RABGAP1L: variants seen among roughly 807,000 people sequenced by gnomAD.
RABGAP1L encodes rab GTPase-activating protein 1-like.
In RABGAP1L, 63 loss-of-function variants were observed where a neutral mutation model predicts 137.7. The observed-to-expected ratio is 0.46, with a 90% confidence interval of 0.37 to 0.56. RABGAP1L has a LOEUF of 0.56. Among genes scored for constraint, RABGAP1L ranks in the 20% least tolerant of loss-of-function variants. The pLI, the probability that RABGAP1L is intolerant of heterozygous loss-of-function variation, is 0.00. For synonymous variants in RABGAP1L, 431 were observed against 433.7 expected (o/e 0.99, Z 0.08); for missense variants, 1,095 against 1,244.0 (o/e 0.88, Z 1.80).
intron 19 of RABGAP1L, among the ~76,000 whole-genome samples, chr1:174,889,056 A>G (rs1017101547): frequency 4.6e-5 from 7 of 152,052 alleles, no homozygotes; most frequent in African/African-American, 1.7e-4. Flanking sequence ...GTTAGAGTCT[A>G]GCTGAGTACT....
At chr1:174,980,040 A>G (rs1057344950) in intron 23 of RABGAP1L, among the ~76,000 whole-genome samples, 7 of 152,350 alleles carry the variant, frequency 4.6e-5, no homozygotes, top group Non-Finnish European at 8.8e-5. Flanking sequence ...AGAATAGTGC[A>G]GAGAAGCACA....
Position 174,680,476 on chromosome 1 carries a change from A to G in RABGAP1L, c.1825-3046A>G, listed in dbSNP as rs183175227. 2.0e-5 allele frequency among the ~76,000 whole-genome samples: 3 copies of G among 152,316 alleles called. No homozygotes were observed. The East Asian group carries it at 5.8e-4, about 29-fold the overall frequency. ...TTTTGTAGCCTCCAAAACTGTGAGAACTAAACTTCTTTTGTTTATAAGCTA... is the reference window on the plus strand; with the variant it reads ...TTTTGTAGCCTCCAAAACTGTGAGAGCTAAACTTCTTTTGTTTATAAGCTA... On this transcript the variant is annotated intron_variant, in intron 14 of 25. Coordinates refer to ENST00000681986, the MANE Select transcript of RABGAP1L (RefSeq NM_001366446.1).
chr1:174,492,778 T>C (rs1204410087), intron 13 of RABGAP1L, among the ~76,000 whole-genome samples: 1 of 152,150 alleles, frequency 6.6e-6, no homozygotes, highest in Non-Finnish European at 1.5e-5. Flanking sequence ...TCCTTCCCTT[T>C]GAATAAGTCC....
intron 17 of RABGAP1L, among the ~76,000 whole-genome samples, chr1:174,730,230 C>T (rs1572954855): frequency 1.3e-5 from 2 of 152,234 alleles, no homozygotes; most frequent in South Asian, 4.1e-4. Context: ...CATATTTGCA[C>T]TTGTAAGTGG....
intron 13 of RABGAP1L, among the ~76,000 whole-genome samples, chr1:174,539,486 C>T (rs1665180397): frequency 6.6e-6 from 1 of 152,090 alleles, no homozygotes; most frequent in African/African-American, 2.4e-5. Flanking sequence ...TGTTCCCCAC[C>T]CTGTGCCCAA....
chr1:174,179,148 G>A (rs147785177), intron 1 of RABGAP1L, among the ~76,000 whole-genome samples: 67 of 152,132 alleles, frequency 4.4e-4, no homozygotes, highest in African/African-American at 1.5e-3. Flanking sequence ...GGGCTCAAGC[G>A]ATCCTCTTGC....
intron 17 of RABGAP1L, among the ~76,000 whole-genome samples, chr1:174,729,878 A>C (rs1682316397): frequency 6.6e-6 from 1 of 152,222 alleles, no homozygotes; most frequent in South Asian, 2.1e-4. Context: ...GTGGGAATGT[A>C]AATTCAGTTC....
intron 11 of RABGAP1L, among the ~76,000 whole-genome samples, chr1:174,307,253 T>A (rs1288039616): frequency 1.3e-5 from 2 of 152,202 alleles, no homozygotes; most frequent in African/African-American, 4.8e-5. Context: ...GTCAAGTTAG[T>A]CAGTTGACTA....
At chr1:174,569,796 T>G (rs1667849038) in intron 13 of RABGAP1L, among the ~76,000 whole-genome samples, 1 of 152,228 alleles carries the variant, frequency 6.6e-6, no homozygotes, top group Non-Finnish European at 1.5e-5. Flanking sequence ...TAGAGAAGTT[T>G]GAAAGCTCTG....
At chr1:174,674,786 G>A (rs1677480112) in intron 14 of RABGAP1L, among the ~76,000 whole-genome samples, 1 of 152,104 alleles carries the variant, frequency 6.6e-6, no homozygotes, top group South Asian at 2.1e-4. Context: ...CATTCTAACT[G>A]GTTTGAGATG....
intron 14 of RABGAP1L, among the ~76,000 whole-genome samples, chr1:174,664,016 A>G (rs1349010051): frequency 1.3e-5 from 2 of 152,196 alleles, no homozygotes; most frequent in Non-Finnish European, 2.9e-5. Flanking sequence ...TCATTGAGGC[A>G]TGAATTACAG....
chr1:174,679,789 A>G lies in RABGAP1L; in HGVS notation c.1825-3733A>G, dbSNP rs368841035. On this transcript the variant is annotated intron_variant, in intron 14 of 25. Coordinates refer to ENST00000681986, the MANE Select transcript of RABGAP1L (RefSeq NM_001366446.1). Reference sequence around the variant, plus strand: ...TTATAGATTCAACACAATCCCAGTCAAAATCACGGTAGGCATTTCTGGGAA... The same window carrying G: ...TTATAGATTCAACACAATCCCAGTCGAAATCACGGTAGGCATTTCTGGGAA... 3.9e-5 allele frequency among the ~76,000 whole-genome samples: 6 copies of G among 152,352 alleles called. No individual in the cohort carries two copies. The East Asian group carries it at 1.2e-3, about 29-fold the overall frequency.
At chr1:174,208,533 A>G (rs1021824077) in intron 1 of RABGAP1L, among the ~76,000 whole-genome samples, 2 of 152,102 alleles carry the variant, frequency 1.3e-5, no homozygotes, top group Admixed American at 6.5e-5. Context: ...ATGCATTTCA[A>G]TTGACATGAT....
rs1409483421 is a variant in RABGAP1L, at chr1:174,718,860, A to ATT, written c.2169+16604_2169+16605insTT. On this transcript the variant is annotated intron_variant, in intron 17 of 25. Transcript: ENST00000681986. ...TCCTTTTTTTTTTTTTTTTTTTGAG[A>ATT]CAGAGTTTCGCTCTTGTTGCCCAGG... is the stretch of plus-strand genomic sequence containing the variant. 3.8e-5 allele frequency among the ~76,000 whole-genome samples: 5 copies of ATT among 133,064 alleles called. No homozygotes were observed. In the East Asian group the frequency reaches 1.1e-3, roughly 29 times the overall value. 87.3% of individuals were successfully genotyped at this position (133,064 alleles called of 152,430 possible).
At position 174,828,270 on chromosome 1, in the gene RABGAP1L, T is replaced by C. The variant is rs1383219373; in HGVS notation, c.2340+16310T>C. Among the ~76,000 whole-genome samples, 2 of 148,104 alleles carry C rather than the reference T, an allele frequency of 1.4e-5. 1 individual carries two copies. The highest frequency in any genetic ancestry group is 3.0e-5 in the Non-Finnish European group (2 of 66,602). The stretch of plus-strand genomic sequence containing the variant: ...AACTGGTCTCTCCGGCTTTGGTTTC[T>C]GTCCCCTCTAGTTTCCTCTGCATGC... On this transcript the variant is annotated intron_variant, in intron 19 of 25. Transcript: ENST00000681986.
At chr1:174,586,598 T>G (rs992763386) in intron 13 of RABGAP1L, among the ~76,000 whole-genome samples, 1 of 152,088 alleles carries the variant, frequency 6.6e-6, no homozygotes, top group Non-Finnish European at 1.5e-5. Flanking sequence ...TATGTATGTA[T>G]GTATGTATTA....
chr1:174,643,997 C>T (rs1414109615), intron 14 of RABGAP1L, among the ~76,000 whole-genome samples: 1 of 151,622 alleles, frequency 6.6e-6, no homozygotes, highest in Non-Finnish European at 1.5e-5. Flanking sequence ...ACCCTTTACT[C>T]ACAAGATTTC....
intron 13 of RABGAP1L, among the ~76,000 whole-genome samples, chr1:174,469,785 A>G (rs981486450): frequency 6.6e-6 from 1 of 152,142 alleles, no homozygotes; most frequent in Non-Finnish European, 1.5e-5. Flanking sequence ...AAAATTGCTC[A>G]CTAGACCAAT....
intron 12 of RABGAP1L, among the ~76,000 whole-genome samples, chr1:174,372,462 G>A (rs1300262893): frequency 1.3e-5 from 2 of 151,970 alleles, no homozygotes; most frequent in Non-Finnish European, 2.9e-5. Flanking sequence ...TACAATAATC[G>A]TAGGTTTTCT....
Sources: gnomAD v4.1 joint callset for allele counts (sites outside exome capture counted in the v4.1 genomes callset) on GRCh38, gnomAD v4.1.1 for gene constraint, MANE v1.5 for transcripts, NCBI Gene and HGNC (gene_info 2026-07-23, HGNC 2026-07-21) for gene names.